Variants in POLR3E observed in about 807,000 individuals in gnomAD.
The protein encoded by POLR3E is DNA-directed RNA polymerase III subunit RPC5.
A neutral mutation model predicts 96.6 loss-of-function variants in POLR3E; 41 were observed. The observed-to-expected ratio is 0.42, with a 90% CI of 0.33 to 0.55. The LOEUF (loss-of-function observed/expected upper bound fraction) is 0.55, where lower values mean the gene tolerates loss of function less well. POLR3E is among the 20% of genes least tolerant of loss of function. The probability of loss-of-function intolerance (pLI) is 0.06; values close to 1 mark genes in which losing one functional copy is unlikely to be tolerated. For missense variants in POLR3E, 849 were observed against 952.1 expected, an observed-to-expected ratio of 0.89 and a Z score of 1.43; for synonymous variants, 396 against 383.6, an observed-to-expected ratio of 1.03 and a Z score of -0.38.
At chr16:22,333,029 C>G (rs1274007471) in intron 20 of POLR3E, among the ~76,000 whole-genome samples, 1 of 129,300 alleles carries the variant, frequency 7.7e-6, no homozygotes, top group Admixed American at 9.5e-5. Flanking sequence ...GGCTAGAGTG[C>G]AGTAGCACAA....
At position 22,333,666 on chromosome 16, in the gene POLR3E, G is replaced by A. The variant is rs758679787; in HGVS notation, c.2093G>A (p.Gly698Asp). 1 of 1,611,822 alleles carries A rather than the reference G, an allele frequency of 6.2e-7. No individual in the cohort carries two copies. The highest frequency in any genetic ancestry group is 1.7e-5 in the Admixed American group (1 of 59,998). ...VLKDCCVSYG[G>D]MWYLKGTVQS ...TAGGACTGCTGTGTAAGCTATGGTG[G>A]CATGTGGTACCTTAAAGGGACAGTA... The change falls in exon 21 of 21, where the codon GGC (glycine) becomes GAC (aspartate). Residue 698 changes from glycine (G) to aspartate (D), a missense_variant. Physicochemically the swap from Gly to Asp is moderately conservative, Grantham distance 94. Transcript: ENST00000299853.
At chr16:22,317,674 T>G (rs545984241) in intron 12 of POLR3E, among the ~76,000 whole-genome samples, 1 of 151,914 alleles carries the variant, frequency 6.6e-6, no homozygotes, top group Admixed American at 6.6e-5. Flanking sequence ...TGTTTTTTTT[T>G]TTAAGGTTTT....
chr16:22,314,908 G>A (rs150212385), intron 8 of POLR3E, 181 bp from the exon 9 acceptor site: 18 of 569,660 alleles, frequency 3.2e-5, no homozygotes, highest in East Asian at 1.6e-4. Flanking sequence ...GTTCCCTGGC[G>A]TGTGCAGGCA....
chr16:22,302,794 C>T, intron 1 of POLR3E, 137 bp from the exon 2 acceptor site: 1 of 712,690 alleles, frequency 1.4e-6, no homozygotes, highest in South Asian at 1.6e-5. Context: ...CCATTGTTGA[C>T]TTCAATGTAG....
intron 6 of POLR3E, among the ~76,000 whole-genome samples, chr16:22,311,925 C>T (rs1188447330): frequency 6.6e-6 from 1 of 152,172 alleles, no homozygotes; most frequent in Non-Finnish European, 1.5e-5. Context: ...GTAGTAGGCT[C>T]TGCTATCTGG....
chr16:22,316,314 C>T (rs2048354758), intron 9 of POLR3E, among the ~76,000 whole-genome samples: 1 of 152,174 alleles, frequency 6.6e-6, no homozygotes, highest in South Asian at 2.1e-4. Flanking sequence ...GAACAGAGTC[C>T]ACCACATCCT....
chr16:22,305,312 C>G, intron 3 of POLR3E, 106 bp downstream of exon 3: 11 of 838,382 alleles, frequency 1.3e-5, no homozygotes, highest in Non-Finnish European at 2.3e-5. Flanking sequence ...CTAGGGTTCT[C>G]GGTGTGGAGA....
intron 19 of POLR3E, 165 bp downstream of exon 19, chr16:22,328,752 G>A: frequency 1.6e-6 from 1 of 631,592 alleles, no homozygotes; most frequent in Admixed American, 2.3e-5. Flanking sequence ...AACAAAATAA[G>A]CTGTATGTGC....
Position 22,313,718 on chromosome 16 carries a change from G to C in POLR3E, c.463G>C (p.Ala155Pro). The C allele has an allele frequency of 6.2e-6, 10 of 1,609,232 alleles. No individual in the cohort carries two copies. The highest frequency in any genetic ancestry group is 8.5e-6 in the Non-Finnish European group (10 of 1,177,170). Residue 155 changes from alanine to proline, a missense_variant, in exon 7 of 21, where the codon GCC becomes CCC. By Grantham distance (27) the Ala-to-Pro change is conservative. Coordinates refer to ENST00000299853, the MANE Select transcript of POLR3E (RefSeq NM_018119.4). This position sits in a 1 kb window ranked among gnomAD's most constrained non-coding sequence, Gnocchi z 4.1. ...ADAKHREREA[A>P]NEAGDSSQDE... ...CGCCAAGCACCGGGAGAGGGAGGCG[G>C]CCAACGAGGGTGAGCCCGGGATCCC...
intron 12 of POLR3E, among the ~76,000 whole-genome samples, chr16:22,317,580 C>T (rs913390264): frequency 1.3e-4 from 19 of 151,892 alleles, no homozygotes; most frequent in Non-Finnish European, 2.5e-4. Flanking sequence ...TGTGAGGAAT[C>T]AGAGAGAGGA....
chr16:22,311,268 CTTTTTTTTT>C (rs57435708), intron 6 of POLR3E, among the ~76,000 whole-genome samples: 2 of 109,464 alleles, frequency 1.8e-5, no homozygotes, highest in Non-Finnish European at 1.7e-5. Context: ...TGTGCCCAGC[CTTTTTTTTT>C]TTTTTTTTTT....
intron 12 of POLR3E, 98 bp downstream of exon 12, chr16:22,317,304 G>A (rs960165765): frequency 9.4e-6 from 8 of 850,212 alleles, no homozygotes; most frequent in Non-Finnish European, 1.5e-5. Context: ...CAAGGCCAGA[G>A]GCCCCTGCTG....
Position 22,313,483 on chromosome 16 carries a change from ACT to A in POLR3E, c.365-134_365-133del, listed in dbSNP as rs2048289924. 1 of 622,258 alleles carries A rather than the reference ACT, an allele frequency of 1.6e-6. No homozygotes were observed. 38.5% of individuals were successfully genotyped at this position (622,258 alleles called of 1,614,324 possible). ...TGGTCCCTGGCCTGGTGGTCCCAAG[ACT>A]CTAGGATTGGGGGCTGCAGCGGGAA... On this transcript the variant is annotated intron_variant, in intron 6 of 20. Transcript: ENST00000299853. This position sits in a 1 kb window ranked among gnomAD's most constrained non-coding sequence, Gnocchi z 4.1.
rs1014823074 is a variant in POLR3E, at chr16:22,308,053, G to A, written c.88-95G>A. 24 of 870,982 alleles carry A rather than the reference G, an allele frequency of 2.8e-5. No individual in the cohort carries two copies. In the Admixed American group the frequency reaches 3.9e-4, roughly 14 times the overall value. The allele number at this position is 870,982 out of a possible 1,614,324, so 54.0% of individuals were successfully genotyped here. ...GTAGGGTAAGGCCAGTCTCTGCTTG[G>A]GGTGGGCTTGGAGATAGCTGTTGAT... On this transcript the variant is annotated intron_variant, in intron 3 of 20. Coordinates refer to ENST00000299853, the MANE Select transcript of POLR3E (RefSeq NM_018119.4).
chr16:22,304,475 G>A (rs914290881), intron 2 of POLR3E, among the ~76,000 whole-genome samples: 10 of 152,196 alleles, frequency 6.6e-5, no homozygotes, highest in Non-Finnish European at 1.5e-4. Flanking sequence ...CAGCCAGGGG[G>A]CCTGGAATGC....
chr16:22,328,448 G>C (rs531820430), intron 18 of POLR3E, 62 bp from the exon 19 acceptor site: 22 of 1,402,566 alleles, frequency 1.6e-5, no homozygotes, highest in Non-Finnish European at 2.1e-5. Flanking sequence ...GGAGGGATGA[G>C]GCAAGCAAAT....
At chr16:22,315,608 A>G (rs1167913690) in intron 9 of POLR3E, among the ~76,000 whole-genome samples, 1 of 151,860 alleles carries the variant, frequency 6.6e-6, no homozygotes, top group African/African-American at 2.4e-5. Context: ...TGCCCAGGGG[A>G]TTTTCTTACT....
rs141177243 is a variant in POLR3E, at chr16:22,320,863, C to T, written c.986+1917C>T. ...GCGTTGATATGATTTTGTTGTGTTC[C>T]GACTTCATTGTTTCTGTTGGCAGTT... On this transcript the variant is annotated intron_variant, in intron 13 of 20. Transcript: ENST00000299853. Among the ~76,000 whole-genome samples, 8 of 152,096 alleles carry T rather than the reference C, an allele frequency of 5.3e-5. No homozygotes were observed. In the South Asian group the frequency reaches 6.2e-4, roughly 12 times the overall value.
Position 22,325,775 on chromosome 16 carries a change from G to A in POLR3E, c.1363G>A (p.Val455Ile). The change falls in exon 18 of 21, where the codon GTC (valine) becomes ATC (isoleucine). Residue 455 changes from valine to isoleucine, a missense_variant. Val to Ile is a conservative substitution (Grantham distance 29, BLOSUM62 3). Transcript: ENST00000299853. Reference protein sequence around the residue: ...PDAQSGPAGLVCGDQRIQVAK... With the variant: ...PDAQSGPAGLICGDQRIQVAK... ...CCTCCCCGCAGGGCCTGCCGGGCTGGTCTGTGGGGACCAGCGGATCCAAGT... is the reference window on the plus strand; with the variant it reads ...CCTCCCCGCAGGGCCTGCCGGGCTGATCTGTGGGGACCAGCGGATCCAAGT... 1 of 1,579,132 alleles carries A rather than the reference G, an allele frequency of 6.3e-7. No homozygotes were observed. The highest frequency in any genetic ancestry group is 8.6e-7 in the Non-Finnish European group (1 of 1,163,178).
Sources: allele counts gnomAD v4.1 joint callset (sites outside exome capture counted in the v4.1 genomes callset), GRCh38; gene constraint gnomAD v4.1.1; non-coding constraint Gnocchi (gnomAD v3.1); transcripts MANE v1.5; gene names NCBI Gene and HGNC (gene_info 2026-07-23, HGNC 2026-07-21).